PHF14: variants seen among roughly 807,000 people sequenced by gnomAD.
The protein encoded by PHF14 is PHD finger protein 14.
Under a neutral mutation model 117.9 loss-of-function variants are expected in PHF14, and 55 were observed. The ratio of observed to expected loss-of-function variants is 0.47; its 90% CI spans 0.38 to 0.58. The LOEUF is 0.58. PHF14 is among the 20% of genes least tolerant of loss of function. The pLI is 0.00. For synonymous variants in PHF14, 409 were observed against 368.6 expected, an observed-to-expected ratio of 1.11 and a Z score of -1.26; for missense variants, 978 against 1,122.2, an observed-to-expected ratio of 0.87 and a Z score of 1.84.
At chr7:10,978,386 G>C (rs1283404688) in intron 2 of PHF14, among the ~76,000 whole-genome samples, 1 of 152,178 alleles carries the variant, frequency 6.6e-6, no homozygotes, top group Non-Finnish European at 1.5e-5. Context: ...AGATTAGATT[G>C]ATGTAGAACA....
intron 6 of PHF14, among the ~76,000 whole-genome samples, chr7:11,023,396 G>A (rs1013145698): frequency 7.2e-5 from 11 of 152,316 alleles, no homozygotes; most frequent in South Asian, 2.1e-4. Flanking sequence ...GGGGCGTGCC[G>A]TTAACATGCC....
intron 6 of PHF14, among the ~76,000 whole-genome samples, chr7:11,024,298 G>GT (rs1483326313): frequency 6.6e-6 from 1 of 152,176 alleles, no homozygotes; most frequent in Non-Finnish European, 1.5e-5. Context: ...AGCCATCTCC[G>GT]TAATATAAAA....
chr7:11,115,267 G>C (rs1423167155), intron 17 of PHF14, among the ~76,000 whole-genome samples: 2 of 151,970 alleles, frequency 1.3e-5, no homozygotes, highest in Non-Finnish European at 2.9e-5. Context: ...TATCTGAATA[G>C]ATGGGCCAGA....
chr7:10,986,880 A>T (rs1782243928), intron 3 of PHF14, among the ~76,000 whole-genome samples: 1 of 152,212 alleles, frequency 6.6e-6, no homozygotes, highest in African/African-American at 2.4e-5. Context: ...TTGTAAAAGA[A>T]AGAAGAGCTC....
At chr7:11,156,638 T>C (rs1458636464) in intron 17 of PHF14, among the ~76,000 whole-genome samples, 2 of 151,792 alleles carry the variant, frequency 1.3e-5, no homozygotes, top group Non-Finnish European at 2.9e-5. Context: ...TACTAAAAAA[T>C]ACAAAAATTA....
At chr7:11,003,310 A>C (rs1020128889) in intron 4 of PHF14, among the ~76,000 whole-genome samples, 1 of 152,200 alleles carries the variant, frequency 6.6e-6, no homozygotes, top group African/African-American at 2.4e-5. Context: ...GACCATTTGA[A>C]TGACTTGTCT....
chr7:11,042,609 A>C (rs1784535670), intron 12 of PHF14, 74 bp from the exon 13 acceptor site: 1 of 1,055,340 alleles, frequency 9.5e-7, no homozygotes, highest in African/African-American at 1.7e-5. Context: ...TGTAAGTTGA[A>C]AAATATGCTA....
intron 17 of PHF14, among the ~76,000 whole-genome samples, chr7:11,159,813 A>G (rs7802053): frequency 0.095 from 14,495 of 152,220 alleles, 1,297 homozygotes; most frequent in East Asian, 0.32. Flanking sequence ...TATAGAAAGA[A>G]AAAATTCTAA....
At position 11,022,988 on chromosome 7, in the gene PHF14, C is replaced by T. The variant is rs1194274985; in HGVS notation, c.1317+9C>T. ...CCAAATATGGTGCCAAGGTGAGACACAAAGCATTTTTGATTGCTTGAAAGA... is the reference window on the plus strand; with the variant it reads ...CCAAATATGGTGCCAAGGTGAGACATAAAGCATTTTTGATTGCTTGAAAGA... On this transcript the variant is annotated intron_variant, in intron 6 of 17. Coordinates refer to ENST00000634607, the MANE Select transcript of PHF14 (RefSeq NM_001007157.2). 1 of 1,489,720 alleles carries T rather than the reference C, an allele frequency of 6.7e-7. No homozygotes were observed. The highest frequency in any genetic ancestry group is 9.3e-7 in the Non-Finnish European group (1 of 1,077,806). The allele number at this position is 1,489,720 out of a possible 1,614,324, so 92.3% of individuals were successfully genotyped here. A position where few individuals can be genotyped will look rare whatever the true frequency, so the allele number is the denominator to read the frequency against.
chr7:11,039,746 C>T (rs1353510948), intron 11 of PHF14, among the ~76,000 whole-genome samples: 3 of 152,102 alleles, frequency 2.0e-5, no homozygotes, highest in Admixed American at 6.6e-5. Flanking sequence ...TTTGAAGATG[C>T]TTTATGTGAA....
chr7:11,028,110 A>G (rs1270884903), intron 6 of PHF14, among the ~76,000 whole-genome samples: 1 of 152,198 alleles, frequency 6.6e-6, no homozygotes, highest in Admixed American at 6.5e-5. Flanking sequence ...CACCTAACTT[A>G]CTGAGCACAG....
intron 14 of PHF14, among the ~76,000 whole-genome samples, chr7:11,052,405 G>A (rs963837501): frequency 1.3e-5 from 2 of 151,896 alleles, no homozygotes; most frequent in Non-Finnish European, 2.9e-5. Flanking sequence ...GGGCAGTTAG[G>A]TTTTTTTCAT....
chr7:11,032,928 G>C (rs1784170034), intron 7 of PHF14, among the ~76,000 whole-genome samples: 1 of 152,186 alleles, frequency 6.6e-6, no homozygotes, highest in Non-Finnish European at 1.5e-5. Context: ...TTACATACTG[G>C]ACATAGGTCT....
intron 17 of PHF14, among the ~76,000 whole-genome samples, chr7:11,142,123 T>C (rs1788418062): frequency 6.6e-6 from 1 of 152,062 alleles, no homozygotes; most frequent in Admixed American, 6.6e-5. Context: ...GCAAATAGTT[T>C]TATTGAGCTT....
chr7:11,134,070 C>T (rs1008011188), intron 17 of PHF14, among the ~76,000 whole-genome samples: 1 of 151,930 alleles, frequency 6.6e-6, no homozygotes, highest in East Asian at 1.9e-4. Flanking sequence ...GGAAATTTTT[C>T]TTGTCTTGTC....
intron 3 of PHF14, among the ~76,000 whole-genome samples, chr7:10,987,482 G>A (rs1782265078): frequency 6.6e-6 from 1 of 152,032 alleles, no homozygotes; most frequent in African/African-American, 2.4e-5. Flanking sequence ...ACATTGATCA[G>A]TATTATCATT....
At chr7:11,140,817 A>G (rs1403480928) in intron 17 of PHF14, among the ~76,000 whole-genome samples, 6 of 152,104 alleles carry the variant, frequency 3.9e-5, no homozygotes, top group Non-Finnish European at 5.9e-5. Flanking sequence ...GCATTATCTG[A>G]AATTGTTCCC....
intron 16 of PHF14, among the ~76,000 whole-genome samples, chr7:11,075,619 T>A: frequency 6.8e-6 from 1 of 147,570 alleles, no homozygotes; most frequent in African/African-American, 2.5e-5. Context: ...AGGGTTCTGT[T>A]CCCATGACCC....
rs887481322 is a variant in PHF14, at chr7:10,982,904, A to G, written c.645A>G (p.Arg215=). 2.5e-5 allele frequency: 41 copies of G among 1,612,808 alleles called. No homozygotes were observed. The highest frequency in any genetic ancestry group is 3.3e-5 in the Non-Finnish European group (39 of 1,179,166). ...ACAGTGAGGATGACAATGATTGGCG[A>G]CCTACTGTAGTAAAGAGAAAAGGGA... The part of the protein sequence containing the change: ...DYDSEDDNDW[R]PTVVKRKGRS... Residue 215 remains arginine (R), a synonymous_variant, in exon 3 of 18, where the codon CGA becomes CGG. Transcript: ENST00000634607.
Sources: gnomAD v4.1 joint callset for allele counts (sites outside exome capture counted in the v4.1 genomes callset) on GRCh38, gnomAD v4.1.1 for gene constraint, MANE v1.5 for transcripts, NCBI Gene and HGNC (gene_info 2026-07-23, HGNC 2026-07-21) for gene names.